AJAP1: variants seen among roughly 807,000 people sequenced by gnomAD.
The protein encoded by AJAP1 is adherens junctions associated protein 1.
Under a neutral mutation model 35.0 loss-of-function variants are expected in AJAP1, and 5 were observed. The observed-to-expected ratio is 0.14, with a 90% CI of 0.07 to 0.30. The LOEUF (loss-of-function observed/expected upper bound fraction) is 0.30. Ranked by LOEUF, AJAP1 falls within the 10% of genes least tolerant of loss-of-function variation. AJAP1 has a pLI of 1.00. For synonymous variants in AJAP1, 284 were observed against 249.3 expected, an observed-to-expected ratio of 1.14 and a Z score of -1.31; for missense variants, 586 against 571.0, an observed-to-expected ratio of 1.03 and a Z score of -0.27.
intron 2 of AJAP1, among the ~76,000 whole-genome samples, chr1:4,719,737 T>C (rs919964762): frequency 6.6e-6 from 1 of 152,194 alleles, no homozygotes; most frequent in African/African-American, 2.4e-5. Flanking sequence ...CGAGTCCTGG[T>C]GTTCCCTCTG....
At chr1:4,701,878 C>T (rs907356795) in intron 1 of AJAP1, among the ~76,000 whole-genome samples, 7 of 152,174 alleles carry the variant, frequency 4.6e-5, no homozygotes, top group Non-Finnish European at 7.4e-5. Flanking sequence ...AAGGTGTGCC[C>T]CATGTCCCTC....
intron 2 of AJAP1, among the ~76,000 whole-genome samples, chr1:4,768,092 G>A (rs1266694002): frequency 2.6e-5 from 4 of 152,038 alleles, no homozygotes; most frequent in African/African-American, 9.7e-5. Context: ...TTGCCCAGAG[G>A]TTTACAGCAG....
chr1:4,673,132 T>C (rs1337301422), intron 1 of AJAP1, among the ~76,000 whole-genome samples: 1 of 152,122 alleles, frequency 6.6e-6, no homozygotes, highest in Non-Finnish European at 1.5e-5. Context: ...GCCCCACCAA[T>C]GCCTTCATGT....
Position 4,655,022 on chromosome 1 carries a change from G to A in AJAP1, c.-404G>A, listed in dbSNP as rs527484426. 1 of 150,568 alleles carries A rather than the reference G, an allele frequency of 6.6e-6. No homozygotes were observed. The highest frequency in any genetic ancestry group is 6.6e-5 in the Admixed American group (1 of 15,144). 9.3% of individuals were successfully genotyped at this position (150,568 alleles called of 1,614,324 possible). A position where few individuals can be genotyped will look rare whatever the true frequency, so the allele number is the denominator to read the frequency against. Reference sequence around the variant, plus strand: ...GCGCCGGGAGACACGCACCGTGAGCGGCAGCGCCGCCGGCCTCCCTCCTCG... The same window carrying A: ...GCGCCGGGAGACACGCACCGTGAGCAGCAGCGCCGCCGGCCTCCCTCCTCG... On this transcript the variant is annotated 5_prime_UTR_variant, in exon 1 of 6. Coordinates refer to ENST00000378191, the MANE Select transcript of AJAP1 (RefSeq NM_018836.4). This position sits in a 1 kb window ranked among gnomAD's most constrained non-coding sequence, Gnocchi z 6.9.
At chr1:4,688,524 G>C (rs989682548) in intron 1 of AJAP1, among the ~76,000 whole-genome samples, 5 of 152,108 alleles carry the variant, frequency 3.3e-5, no homozygotes, top group Non-Finnish European at 7.4e-5. Context: ...TGTAATCCTG[G>C]CACTTTGGGA....
intron 2 of AJAP1, among the ~76,000 whole-genome samples, chr1:4,760,803 C>G (rs951717388): frequency 4.6e-5 from 7 of 152,230 alleles, no homozygotes; most frequent in Non-Finnish European, 8.8e-5. Context: ...GTGGCCACAC[C>G]ATGGAGGGGG....
chr1:4,710,331 GCA>G (rs372911607), intron 1 of AJAP1, among the ~76,000 whole-genome samples: 33 of 151,932 alleles, frequency 2.2e-4, no homozygotes, highest in African/African-American at 6.0e-4. Flanking sequence ...CCTCACTCAC[GCA>G]CAGTCTCTCA....
intron 2 of AJAP1, among the ~76,000 whole-genome samples, chr1:4,762,053 C>T (rs1383969916): frequency 1.3e-5 from 2 of 152,206 alleles, no homozygotes; most frequent in African/African-American, 2.4e-5. Context: ...TGAGCCCATA[C>T]ACATCTCCTG....
chr1:4,707,818 C>G (rs1640131908), intron 1 of AJAP1, among the ~76,000 whole-genome samples: 1 of 151,896 alleles, frequency 6.6e-6, no homozygotes, highest in Non-Finnish European at 1.5e-5. Context: ...CAAGGAATTG[C>G]CAAACTGTTT....
chr1:4,701,143 G>A (rs746506378), intron 1 of AJAP1, among the ~76,000 whole-genome samples: 10 of 152,208 alleles, frequency 6.6e-5, no homozygotes, highest in Non-Finnish European at 1.3e-4. Flanking sequence ...AACATCCCCC[G>A]TGCCCCAAAG....
intron 2 of AJAP1, among the ~76,000 whole-genome samples, chr1:4,760,126 A>G (rs1250976607): frequency 6.6e-6 from 1 of 152,202 alleles, no homozygotes; most frequent in Non-Finnish European, 1.5e-5. Context: ...AAAGTTGAGT[A>G]TCAGTGGCTT....
At position 4,720,716 on chromosome 1, in the gene AJAP1, C is replaced by A. The variant is rs1007433635; in HGVS notation, c.829+8017C>A. 2.0e-5 allele frequency among the ~76,000 whole-genome samples: 3 copies of A among 152,206 alleles called. No individual in the cohort carries two copies. Among genetic ancestry groups the A allele is most frequent in the Non-Finnish European group, 4.4e-5 (3 of 68,046 alleles). Reference sequence around the variant, plus strand: ...CACGAAGCCCACCTCACCGGTGGCTCTGCCAGGGTAATCGAATGGTGTTTG... The same window carrying A: ...CACGAAGCCCACCTCACCGGTGGCTATGCCAGGGTAATCGAATGGTGTTTG... On this transcript the variant is annotated intron_variant, in intron 2 of 5. Transcript: ENST00000378191. The surrounding 1 kb of genome is among the most constrained non-coding windows in gnomAD (Gnocchi z 4.4).
chr1:4,694,313 A>G (rs1639810350), intron 1 of AJAP1, among the ~76,000 whole-genome samples: 1 of 152,322 alleles, frequency 6.6e-6, no homozygotes, highest in Admixed American at 6.5e-5. Flanking sequence ...GGTGCTTATG[A>G]AGCCTGGCTC....
chr1:4,776,258 T>G (rs1424399934), intron 5 of AJAP1, among the ~76,000 whole-genome samples: 2 of 151,938 alleles, frequency 1.3e-5, no homozygotes, highest in Non-Finnish European at 2.9e-5. Context: ...GTTAAATGAC[T>G]TGGCCGAGGT....
chr1:4,712,762 G>T, intron 2 of AJAP1, 63 bp downstream of exon 2: 2 of 1,454,696 alleles, frequency 1.4e-6, no homozygotes, highest in South Asian at 2.9e-5. Flanking sequence ...CGTGACTCGG[G>T]AGAGATGCTT....
chr1:4,724,046 G>T (rs1281304155), intron 2 of AJAP1, among the ~76,000 whole-genome samples: 1 of 152,206 alleles, frequency 6.6e-6, no homozygotes, highest in Non-Finnish European at 1.5e-5. Flanking sequence ...TCTTTTCCTT[G>T]TGAGAGCCTG....
In AJAP1 at chr1:4,792,374, G is replaced by C. The variant is rs924164685; in HGVS notation, c.*9889G>C. 1.3e-5 allele frequency: 2 copies of C among 151,758 alleles called. No homozygotes were observed. Among genetic ancestry groups the C allele is most frequent in the African/African-American group, 4.8e-5 (2 of 41,318 alleles). The allele number at this position is 151,758 out of a possible 1,614,324, so 9.4% of individuals were successfully genotyped here. A position where few individuals can be genotyped will look rare whatever the true frequency, so the allele number is the denominator to read the frequency against. ...GGTGGCTGGGTGTGATTTCCGTACA[G>C]GTGAACTTTTATTCCAGATTTTTTT... On this transcript the variant is annotated 3_prime_UTR_variant, in exon 6 of 6. Transcript: ENST00000378191.
intron 2 of AJAP1, among the ~76,000 whole-genome samples, chr1:4,763,910 C>T (rs764778670): frequency 6.6e-6 from 1 of 150,796 alleles, no homozygotes; most frequent in Non-Finnish European, 1.5e-5. Flanking sequence ...CCTCCCTCTC[C>T]TTCTCTCCCT....
At chr1:4,709,656 T>A (rs929108013) in intron 1 of AJAP1, among the ~76,000 whole-genome samples, 1 of 152,174 alleles carries the variant, frequency 6.6e-6, no homozygotes, top group Non-Finnish European at 1.5e-5. Context: ...AGTGTGTATA[T>A]GGGGGAATTT....
Sources: gnomAD v4.1 joint callset for allele counts (sites outside exome capture counted in the v4.1 genomes callset) on GRCh38, gnomAD v4.1.1 for gene constraint, Gnocchi (gnomAD v3.1) non-coding constraint, MANE v1.5 for transcripts, NCBI Gene and HGNC (gene_info 2026-07-23, HGNC 2026-07-21) for gene names.